The following TMEM232 variants were observed in gnomAD, a reference collection of about 807,000 sequenced individuals.
TMEM232 encodes transmembrane protein 232.
A neutral mutation model predicts 78.8 loss-of-function variants in TMEM232; 80 were observed. The ratio of observed to expected loss-of-function variants is 1.01; its 90% confidence interval spans 0.85 to 1.22. The LOEUF (loss-of-function observed/expected upper bound fraction) is 1.22. Ranked by LOEUF, TMEM232 falls within the 50% of genes most tolerant of loss-of-function variation. The pLI, the probability that TMEM232 is intolerant of heterozygous loss-of-function variation, is 0.00. For synonymous variants in TMEM232, 297 were observed against 254.3 expected (o/e 1.17, Z -1.60); for missense variants, 881 against 742.2 (o/e 1.19, Z -2.17).
At chr5:110,509,652 C>T (rs571263131) in intron 12 of TMEM232, among the ~76,000 whole-genome samples, 1 of 152,098 alleles carries the variant, frequency 6.6e-6, no homozygotes, top group Admixed American at 6.6e-5. Flanking sequence ...ACCGCCCTTC[C>T]CATGTAATGC....
intron 7 of TMEM232, 123 bp from the exon 8 acceptor site, chr5:110,618,685 CTT>C: frequency 9.6e-7 from 1 of 1,038,322 alleles, no homozygotes; most frequent in Non-Finnish European, 1.3e-6. Context: ...TTCTCTTACA[CTT>C]TATATTTCAC....
At chr5:110,505,356 A>C (rs1440434737) in intron 12 of TMEM232, among the ~76,000 whole-genome samples, 5 of 152,258 alleles carry the variant, frequency 3.3e-5, no homozygotes, top group Admixed American at 2.6e-4. Context: ...TTAGCCTAAG[A>C]ACAAGTCCTT....
intron 1 of TMEM232, among the ~76,000 whole-genome samples, chr5:110,700,766 G>GTAGGTAGATAGA (rs1417212881): frequency 1.6e-4 from 20 of 126,070 alleles, no homozygotes; most frequent in Admixed American, 7.7e-4. Context: ...AGGTAGGTAG[G>GTAGGTAGATAGA]TAGGTAGATA....
chr5:110,696,321 C>G (rs1191176572), intron 1 of TMEM232, among the ~76,000 whole-genome samples: 2 of 152,106 alleles, frequency 1.3e-5, no homozygotes, highest in African/African-American at 4.8e-5. Flanking sequence ...TAAGAGCTAT[C>G]TATGACAAAC....
chr5:110,532,455 G>C lies in TMEM232; in HGVS notation c.1456-3620C>G, dbSNP rs193082840. The stretch of plus-strand genomic sequence containing the variant: ...ACTCCACATTACCTTCTTTTCAAAG[G>C]CCTGTTTCCCTTGCCTCCATAACTG... On this transcript the variant is annotated intron_variant, in intron 11 of 13. Transcript: ENST00000455884. 4.5e-3 allele frequency among the ~76,000 whole-genome samples: 690 copies of C among 151,878 alleles called. 6 individuals carry two copies. The highest frequency in any genetic ancestry group is 0.016 in the African/African-American group (653 of 41,400).
At chr5:110,464,985 G>A (rs1761921909) in intron 12 of TMEM232, among the ~76,000 whole-genome samples, 1 of 152,188 alleles carries the variant, frequency 6.6e-6, no homozygotes, top group Non-Finnish European at 1.5e-5. Flanking sequence ...GCCAGCCAAA[G>A]CTAAGGACTG....
rs201131848 is a variant in TMEM232, at chr5:110,699,075, C to A, written c.-13+27552G>T. ...ACAAACAAAACAAAACAAAACAAAA[C>A]AAAAACAAACAAACAAACAAAAAAA... On this transcript the variant is annotated intron_variant, in intron 1 of 13. Coordinates refer to ENST00000455884, the MANE Select transcript of TMEM232 (RefSeq NM_001039763.4). 8.8e-5 allele frequency among the ~76,000 whole-genome samples: 11 copies of A among 124,602 alleles called. No homozygotes were observed. The South Asian group carries it at 2.5e-3, about 28-fold the overall frequency. The allele number at this position is 124,602 out of a possible 152,430, so 81.7% of individuals were successfully genotyped here.
In TMEM232 at chr5:110,667,209, T is replaced by C; in HGVS notation, c.125+19A>G. The C allele has an allele frequency of 6.5e-7, 1 of 1,529,500 alleles. No homozygotes were observed. Among genetic ancestry groups the C allele is most frequent in the Admixed American group, 2.0e-5 (1 of 48,992 alleles). The allele number at this position is 1,529,500 out of a possible 1,614,324, so 94.7% of individuals were successfully genotyped here. A position where few individuals can be genotyped will look rare whatever the true frequency, so the allele number is the denominator to read the frequency against. On this transcript the variant is annotated intron_variant, in intron 2 of 13. Transcript: ENST00000455884. ...TTCTCTACAATACATATGGGTCCTA[T>C]AATTATTTTCTAGCTTACCTTGATT... is the stretch of plus-strand genomic sequence containing the variant.
chr5:110,508,098 A>G (rs1400873788), intron 12 of TMEM232, among the ~76,000 whole-genome samples: 2 of 152,142 alleles, frequency 1.3e-5, no homozygotes, highest in African/African-American at 4.8e-5. Context: ...TTAAGCAAAT[A>G]GTTTCATGAA....
At chr5:110,456,726 C>G (rs375243579) in intron 12 of TMEM232, among the ~76,000 whole-genome samples, 7 of 152,200 alleles carry the variant, frequency 4.6e-5, no homozygotes, top group South Asian at 2.1e-4. Context: ...TGCACATACA[C>G]AGTCAACTGC....
intron 12 of TMEM232, among the ~76,000 whole-genome samples, chr5:110,524,339 AAGAAAG>A (rs1418727646): frequency 5.0e-5 from 7 of 140,180 alleles, no homozygotes; most frequent in Admixed American, 7.6e-5. Context: ...GAGAGAGAAA[AAGAAAG>A]AGAAAGAAAG....
At position 110,584,273 on chromosome 5, in the gene TMEM232, A is replaced by G. The variant is rs372330147; in HGVS notation, c.1277-15648T>C. Among the ~76,000 whole-genome samples the G allele has an allele frequency of 9.9e-5, 15 of 151,960 alleles. No individual in the cohort carries two copies. In the East Asian group the frequency reaches 2.9e-3, roughly 29 times the overall value. On this transcript the variant is annotated intron_variant, in intron 10 of 13. Coordinates refer to ENST00000455884, the MANE Select transcript of TMEM232 (RefSeq NM_001039763.4). The stretch of plus-strand genomic sequence containing the variant: ...TAAATGTCTGTTGACAGATGAATGG[A>G]TAAGGAAAATGTCATATATATATAA...
intron 2 of TMEM232, among the ~76,000 whole-genome samples, chr5:110,656,613 G>A (rs1789100022): frequency 6.6e-6 from 1 of 152,166 alleles, no homozygotes. Context: ...GCTGAGGCGG[G>A]AGGATCACGA....
Position 110,504,876 on chromosome 5 carries a change from C to T in TMEM232, c.1703+23712G>A, listed in dbSNP as rs192188842. Among the ~76,000 whole-genome samples the T allele has an allele frequency of 6.8e-4, 103 of 152,314 alleles. 2 individuals carry two copies. Among genetic ancestry groups the T allele is most frequent in the African/African-American group, 2.4e-3 (99 of 41,576 alleles). Reference sequence around the variant, plus strand: ...ATGTTTGACCAAATACTTGTATGCCCTAATGCCCAGGCAAGTTGACACATA... The same window carrying T: ...ATGTTTGACCAAATACTTGTATGCCTTAATGCCCAGGCAAGTTGACACATA... On this transcript the variant is annotated intron_variant, in intron 12 of 13. Coordinates refer to ENST00000455884, the MANE Select transcript of TMEM232 (RefSeq NM_001039763.4).
At chr5:110,682,218 G>T (rs571560267) in intron 1 of TMEM232, among the ~76,000 whole-genome samples, 1 of 152,066 alleles carries the variant, frequency 6.6e-6, no homozygotes, top group African/African-American at 2.4e-5. Context: ...TTATCCTTAA[G>T]ATTAAAATAT....
intron 12 of TMEM232, among the ~76,000 whole-genome samples, chr5:110,442,505 A>G (rs1229202351): frequency 1.3e-5 from 2 of 152,028 alleles, no homozygotes; most frequent in African/African-American, 4.8e-5. Context: ...AACTTATCTG[A>G]TAGAATTCTG....
chr5:110,420,500 G>A lies in TMEM232; in HGVS notation c.*80C>T. 1 of 872,158 alleles carries A rather than the reference G, an allele frequency of 1.1e-6. No individual in the cohort carries two copies. The allele number at this position is 872,158 out of a possible 1,614,324, so 54.0% of individuals were successfully genotyped here. On this transcript the variant is annotated 3_prime_UTR_variant, in exon 14 of 14. Coordinates refer to ENST00000455884, the MANE Select transcript of TMEM232 (RefSeq NM_001039763.4). ...AATGACAAGAAAGTTCTCTTACTAT[G>A]TAGCTATCTTGGTATTTTTCATCCT...
intron 2 of TMEM232, among the ~76,000 whole-genome samples, chr5:110,661,236 A>G (rs548792656): frequency 6.6e-6 from 1 of 152,278 alleles, no homozygotes; most frequent in African/African-American, 2.4e-5. Context: ...TTTATCATGC[A>G]TGGACACTTA....
chr5:110,548,623 T>C (rs1299290685), intron 11 of TMEM232, among the ~76,000 whole-genome samples: 1 of 151,790 alleles, frequency 6.6e-6, no homozygotes, highest in Non-Finnish European at 1.5e-5. Context: ...GAAACAGGTG[T>C]CATCTATAGA....
Sources: gnomAD v4.1 joint callset for allele counts (sites outside exome capture counted in the v4.1 genomes callset) on GRCh38, gnomAD v4.1.1 for gene constraint, MANE v1.5 for transcripts, NCBI Gene and HGNC (gene_info 2026-07-23, HGNC 2026-07-21) for gene names.